The following JADE3 variants were observed in gnomAD, a reference collection of about 807,000 sequenced individuals.
JADE3 encodes jade family PHD finger 3.
Under a neutral mutation model 50.1 loss-of-function variants are expected in JADE3, and 2 were observed. That is an observed-to-expected ratio of 0.04 (90% CI 0.02 to 0.13). The LOEUF (loss-of-function observed/expected upper bound fraction) is 0.13, where lower values mean the gene tolerates loss of function less well. Ranked by LOEUF, JADE3 falls within the 10% of genes least tolerant of loss-of-function variation. The pLI is 1.00. For synonymous variants in JADE3, 218 were observed against 232.9 expected (o/e 0.94, Z 0.58); for missense variants, 475 against 634.4 (o/e 0.75, Z 2.70).
intron 4 of JADE3, among the ~76,000 whole-genome samples, chrX:47,003,897 T>TTA (rs782746600): frequency 3.9e-5 from 4 of 102,721 alleles, no homozygotes; most frequent in South Asian, 3.9e-4. Context: ...TATAAATTTA[T>TTA]TATATATATA....
chrX:47,037,140 C>T (rs2146981881), intron 7 of JADE3, among the ~76,000 whole-genome samples: 1 of 109,995 alleles, frequency 9.1e-6, no homozygotes, highest in African/African-American at 3.3e-5. Context: ...AAAAGCATCC[C>T]TTTCTTTTCA....
chrX:47,003,524 A>G (rs1350203742), intron 4 of JADE3, among the ~76,000 whole-genome samples: 1 of 105,940 alleles, frequency 9.4e-6, no homozygotes, highest in East Asian at 2.9e-4. Flanking sequence ...TTTTATGTCT[A>G]TGTATTTTTA....
rs1929676390 is a variant in JADE3, at chrX:47,058,362, T to C, written c.1757T>C (p.Leu586Pro). 8.3e-7 allele frequency: 1 copy of C among 1,208,514 alleles called. No individual in the cohort carries two copies. The highest frequency in any genetic ancestry group is 1.1e-6 in the Non-Finnish European group (1 of 894,575). The part of the protein sequence containing the change: ...IRNMQVPQES[L>P]EMRTKSYPRY... ...AACATGCAGGTGCCTCAGGAGTCAC[T>C]AGAAATGAGAACAAAATCGTATCCG... Residue 586 changes from leucine (L) to proline (P), a missense_variant, in exon 11 of 11, where the codon CTA becomes CCA. By Grantham distance (98) the Leu-to-Pro change is moderately conservative. This residue lies in a region of JADE3 where 243 missense variants were observed against 238.2 expected (regional missense o/e 1.02). Coordinates refer to ENST00000614628, the MANE Select transcript of JADE3 (RefSeq NM_014735.5).
intron 4 of JADE3, among the ~76,000 whole-genome samples, chrX:47,005,201 GACCAGGAA>G (rs1332506396): frequency 9.0e-6 from 1 of 111,556 alleles, no homozygotes; most frequent in South Asian, 3.8e-4. Flanking sequence ...CTAGCCAAAT[GACCAGGAA>G]AGGGACCGCC....
chrX:46,955,596 A>G (rs1474239288), intron 1 of JADE3, among the ~76,000 whole-genome samples: 1 of 111,409 alleles, frequency 9.0e-6, no homozygotes, highest in Non-Finnish European at 1.9e-5. Context: ...AGACTGTTGC[A>G]TTATCTTTTG....
rs868977913 is a variant in JADE3, at chrX:47,024,958, T to A, written c.475+44T>A. The A allele has an allele frequency of 1.5e-5, 12 of 794,510 alleles. No individual in the cohort carries two copies. The Middle Eastern group carries it at 2.4e-3, about 162-fold the overall frequency. The allele number at this position is 794,510 out of a possible 1,213,427, so 65.5% of individuals were successfully genotyped here. A position where few individuals can be genotyped will look rare whatever the true frequency, so the allele number is the denominator to read the frequency against. On this transcript the variant is annotated intron_variant, in intron 5 of 10. Coordinates refer to ENST00000614628, the MANE Select transcript of JADE3 (RefSeq NM_014735.5). ...AGTAAGTTGTGACTTAATTCATGTT[T>A]TTTTTTTAAGTTATCAGAACCCTTT... is the stretch of plus-strand genomic sequence containing the variant.
intron 4 of JADE3, among the ~76,000 whole-genome samples, chrX:47,016,475 A>G (rs1250634090): frequency 9.0e-6 from 1 of 111,496 alleles, no homozygotes; most frequent in Non-Finnish European, 1.9e-5. Context: ...CCAAGAGTGA[A>G]TGTTTTAAGA....
At chrX:47,017,267 C>A (rs893144365) in intron 4 of JADE3, among the ~76,000 whole-genome samples, 15 of 111,444 alleles carry the variant, frequency 1.3e-4, no homozygotes, top group African/African-American at 4.6e-4. Context: ...GTACTGATGA[C>A]CAAAAGAAAT....
chrX:47,000,633 A>G (rs782773355), intron 4 of JADE3, among the ~76,000 whole-genome samples: 3 of 111,063 alleles, frequency 2.7e-5, no homozygotes, highest in African/African-American at 9.8e-5. Context: ...GCTCACTGCA[A>G]CCTCCGCCTC....
intron 3 of JADE3, among the ~76,000 whole-genome samples, chrX:46,993,489 A>G (rs951501588): frequency 4.1e-4 from 46 of 111,930 alleles, no homozygotes; most frequent in African/African-American, 1.5e-3. Flanking sequence ...GAAATTGCTC[A>G]GATCTCTAAA....
chrX:46,957,260 T>TAGATAGATAG (rs1569535285), intron 1 of JADE3, among the ~76,000 whole-genome samples: 3 of 61,740 alleles, frequency 4.9e-5, no homozygotes, highest in East Asian at 5.2e-4. Flanking sequence ...TAGATAGATA[T>TAGATAGATAG]AAACGATATA....
intron 4 of JADE3, among the ~76,000 whole-genome samples, chrX:47,017,627 A>G (rs1188269299): frequency 1.8e-5 from 2 of 112,160 alleles, no homozygotes; most frequent in East Asian, 5.5e-4. Flanking sequence ...GTATGCTTAT[A>G]CACATGCATA....
At chrX:47,016,944 A>C (rs782204671) in intron 4 of JADE3, among the ~76,000 whole-genome samples, 3 of 112,034 alleles carry the variant, frequency 2.7e-5, no homozygotes, top group Non-Finnish European at 5.6e-5. Flanking sequence ...ATGCTTTAGC[A>C]TCTTATTTCC....
At chrX:46,971,712 C>T (rs918594642) in intron 1 of JADE3, among the ~76,000 whole-genome samples, 10 of 106,540 alleles carry the variant, frequency 9.4e-5, no homozygotes, top group Non-Finnish European at 1.4e-4. Flanking sequence ...AGGAGAATGG[C>T]GTGAACCTGG....
At chrX:47,015,304 G>A (rs1556362616) in intron 4 of JADE3, among the ~76,000 whole-genome samples, 2 of 112,015 alleles carry the variant, frequency 1.8e-5, no homozygotes, top group Non-Finnish European at 3.8e-5. Context: ...GAATCTGGCC[G>A]GGTGTGGTGG....
chrX:47,028,945 G>A (rs1346442654), intron 6 of JADE3, among the ~76,000 whole-genome samples: 3 of 110,942 alleles, frequency 2.7e-5, no homozygotes, highest in Non-Finnish European at 5.7e-5. Context: ...ATCCTTTCTT[G>A]AACTCCCTTA....
chrX:46,950,520 G>A (rs946036259), intron 1 of JADE3, among the ~76,000 whole-genome samples: 2 of 111,944 alleles, frequency 1.8e-5, no homozygotes, highest in Non-Finnish European at 1.9e-5. Context: ...GTACCACATC[G>A]TGGTTATTCC....
chrX:46,969,695 AGT>A (rs372939463), intron 1 of JADE3, among the ~76,000 whole-genome samples: 1 of 109,907 alleles, frequency 9.1e-6, no homozygotes. Context: ...AAATTAGGTG[AGT>A]GTGGTGGCAG....
chrX:47,006,440 C>T (rs1049533874), intron 4 of JADE3, among the ~76,000 whole-genome samples: 135 of 106,453 alleles, frequency 1.3e-3, no homozygotes, highest in Middle Eastern at 4.7e-3. Context: ...CATGCCACCA[C>T]GCCAGGCTAA....
Sources: gnomAD v4.1 joint callset for allele counts (sites outside exome capture counted in the v4.1 genomes callset) on GRCh38, gnomAD v4.1.1 for gene constraint, gnomAD v4.1.1 regional missense constraint, MANE v1.5 for transcripts, NCBI Gene and HGNC (gene_info 2026-07-23, HGNC 2026-07-21) for gene names.